CLEC17A: variants seen among roughly 807,000 people sequenced by gnomAD.
CLEC17A encodes the protein C-type lectin domain family 17, member A.
A neutral mutation model predicts 61.3 loss-of-function variants in CLEC17A; 37 were observed. The ratio of observed to expected loss-of-function variants is 0.60; its 90% CI spans 0.46 to 0.79. The LOEUF (loss-of-function observed/expected upper bound fraction) is 0.79, where lower values mean the gene tolerates loss of function less well. Ranked by LOEUF, CLEC17A falls within the 30% of genes least tolerant of loss-of-function variation. The probability of loss-of-function intolerance (pLI) is 0.00; values close to 1 mark genes in which losing one functional copy is unlikely to be tolerated. For missense variants in CLEC17A, 418 were observed against 464.7 expected (o/e 0.90, Z 0.92); for synonymous variants, 168 against 164.9 (o/e 1.02, Z -0.14).
chr19:14,587,375 G>C (rs545772904), intron 2 of CLEC17A, among the ~76,000 whole-genome samples: 1 of 152,236 alleles, frequency 6.6e-6, no homozygotes, highest in Non-Finnish European at 1.5e-5. Context: ...GGAGAGACAA[G>C]ACCTGGCTAC....
chr19:14,607,072 G>A lies in CLEC17A; in HGVS notation c.974G>A (p.Arg325Lys). The change falls in exon 13 of 14, where the codon AGG (arginine) becomes AAG (lysine). Residue 325 changes from arginine (R) to lysine (K), a missense_variant. By Grantham distance (26) the Arg-to-Lys change is conservative. Coordinates refer to ENST00000417570, the MANE Select transcript of CLEC17A (RefSeq NM_001204118.2). ...LNDRAQEGDWRWLDGSPVTLS... is the reference protein window; with the variant it reads ...LNDRAQEGDWKWLDGSPVTLS... The stretch of plus-strand genomic sequence containing the variant: ...GACAGGGCCCAGGAAGGGGACTGGA[G>A]GTGGCTGGATGGGTCTCCTGTGACA... 1 of 1,339,386 alleles carries A rather than the reference G, an allele frequency of 7.5e-7. No individual in the cohort carries two copies. Among genetic ancestry groups the A allele is most frequent in the Non-Finnish European group, 9.6e-7 (1 of 1,037,890 alleles). The allele number at this position is 1,339,386 out of a possible 1,614,324, so 83.0% of individuals were successfully genotyped here.
At chr19:14,600,207 G>C in intron 12 of CLEC17A, 25 bp downstream of exon 12, 1 of 1,612,252 alleles carries the variant, frequency 6.2e-7, no homozygotes, top group Admixed American at 1.7e-5. Context: ...CTGAACCTTT[G>C]AGAACCTTCA....
chr19:14,601,730 C>T (rs1166717546), intron 12 of CLEC17A, among the ~76,000 whole-genome samples: 4 of 152,118 alleles, frequency 2.6e-5, no homozygotes, highest in Non-Finnish European at 5.9e-5. Context: ...GCAATTCTTT[C>T]GCCTCACCCT....
At chr19:14,608,438 C>CT (rs1164037913) in intron 13 of CLEC17A, among the ~76,000 whole-genome samples, 1 of 152,080 alleles carries the variant, frequency 6.6e-6, no homozygotes, top group Non-Finnish European at 1.5e-5. Flanking sequence ...GATAGGGTGT[C>CT]TAGCATCCCA....
chr19:14,586,525 C>G (rs7254598), intron 2 of CLEC17A, among the ~76,000 whole-genome samples: 36,216 of 151,956 alleles, frequency 0.24, 7,990 homozygotes, highest in African/African-American at 0.59. Flanking sequence ...TGAGCTCAAG[C>G]AATCCTCCCA....
upstream of CLEC17A, among the ~76,000 whole-genome samples, chr19:14,581,551 C>T (rs1482664324): frequency 1.3e-5 from 2 of 151,052 alleles, no homozygotes; most frequent in African/African-American, 2.4e-5. Context: ...AGGCTGGTCT[C>T]GAATGCCTGA....
chr19:14,595,171 C>A, intron 7 of CLEC17A, 103 bp from the exon 8 acceptor site: 1 of 1,348,854 alleles, frequency 7.4e-7, no homozygotes, highest in Non-Finnish European at 1.0e-6. Context: ...TGCCCACAGC[C>A]AGCCCCCTAA....
chr19:14,583,242 G>A (rs766244654), intron 1 of CLEC17A, 39 bp downstream of exon 1: 1 of 1,613,580 alleles, frequency 6.2e-7, no homozygotes, highest in Admixed American at 1.7e-5. Flanking sequence ...GCCTAGGTGT[G>A]GTCAGGACCC....
intron 8 of CLEC17A, among the ~76,000 whole-genome samples, 152 bp downstream of exon 8, chr19:14,595,467 G>A (rs901885051): frequency 1.3e-5 from 2 of 152,228 alleles, no homozygotes; most frequent in Non-Finnish European, 2.9e-5. Context: ...TCTAGTGAGC[G>A]CTGCTCTAAG....
In CLEC17A at chr19:14,609,053, G is replaced by A. The variant is rs1044195112; in HGVS notation, c.1005-1011G>A. Among the ~76,000 whole-genome samples the A allele has an allele frequency of 3.2e-4, 48 of 152,092 alleles. 1 individual carries two copies. On this transcript the variant is annotated intron_variant, in intron 13 of 13. Coordinates refer to ENST00000417570, the MANE Select transcript of CLEC17A (RefSeq NM_001204118.2). ...GACCTCAGGTGATCTACCCGTCTTG[G>A]CCTCCCAAAGTGCTGGGATTACAGG...
intron 4 of CLEC17A, among the ~76,000 whole-genome samples, chr19:14,593,219 G>A (rs1008742297): frequency 2.0e-5 from 3 of 151,204 alleles, no homozygotes; most frequent in East Asian, 1.9e-4. Flanking sequence ...GTGTGTGTCT[G>A]TAGTCCCACT....
At chr19:14,592,688 T>C (rs1385232298) in intron 4 of CLEC17A, among the ~76,000 whole-genome samples, 2 of 151,968 alleles carry the variant, frequency 1.3e-5, no homozygotes, top group Non-Finnish European at 2.9e-5. Context: ...TTTTTTGAGA[T>C]GGAATTTCAC....
intron 12 of CLEC17A, among the ~76,000 whole-genome samples, chr19:14,604,773 T>A (rs865957351): frequency 2.1e-4 from 32 of 150,040 alleles, no homozygotes; most frequent in African/African-American, 4.2e-4. Flanking sequence ...AAAAAAAAAA[T>A]TTTTTTTTTA....
intron 3 of CLEC17A, among the ~76,000 whole-genome samples, chr19:14,590,868 T>C (rs2146682083): frequency 6.6e-6 from 1 of 151,642 alleles, no homozygotes; most frequent in South Asian, 2.1e-4. Context: ...TCTAATTTTT[T>C]TTTTTTTTTT....
Position 14,606,874 on chromosome 19 carries a change from G to A in CLEC17A, c.895-119G>A, listed in dbSNP as rs772636028. On this transcript the variant is annotated intron_variant, in intron 12 of 13. Transcript: ENST00000417570. The stretch of plus-strand genomic sequence containing the variant: ...CTGTTCTGCATACCATGGGGACGGG[G>A]ACGGGTTGTGGGAGGTGACGTTCCC... 1.1e-4 allele frequency: 42 copies of A among 370,338 alleles called. No homozygotes were observed. In the Middle Eastern group the frequency reaches 3.0e-3, roughly 26 times the overall value. The allele number at this position is 370,338 out of a possible 1,614,324, so 22.9% of individuals were successfully genotyped here.
In CLEC17A at chr19:14,607,089, CCT is replaced by C; in HGVS notation, c.992_993del (p.Pro331ArgfsTer13). 7.6e-7 allele frequency: 1 copy of C among 1,308,782 alleles called. No individual in the cohort carries two copies. Among genetic ancestry groups the C allele is most frequent in the Non-Finnish European group, 9.8e-7 (1 of 1,022,884 alleles). 81.1% of individuals were successfully genotyped at this position (1,308,782 alleles called of 1,614,324 possible). ...EGDWRWLDGSPVTLSFWEPEE... is the reference protein window; with the variant it reads ...EGDWRWLDGSXVTLSFWEPEE... ...GGACTGGAGGTGGCTGGATGGGTCTCCTGTGACATTAAGGCAAGTGCTTGGGT... is the reference window on the plus strand; with the variant it reads ...GGACTGGAGGTGGCTGGATGGGTCTCGTGACATTAAGGCAAGTGCTTGGGT... On this transcript the variant is annotated frameshift_variant, in exon 13 of 14. Coordinates refer to ENST00000417570, the MANE Select transcript of CLEC17A (RefSeq NM_001204118.2). LOFTEE classifies it high-confidence loss of function.
At position 14,611,094 on chromosome 19, in the gene CLEC17A, A is replaced by AT. The variant is rs2146773510; in HGVS notation, c.*900dup. Reference sequence around the variant, plus strand: ...CTAGATCTGCCTCGCACAGAAATACATTAAGTGGGCTGGTCTCATGTAGTC... The same window carrying AT: ...CTAGATCTGCCTCGCACAGAAATACATTTAAGTGGGCTGGTCTCATGTAGTC... On this transcript the variant is annotated 3_prime_UTR_variant, in exon 14 of 14. Transcript: ENST00000417570. 6.6e-6 allele frequency: 1 copy of AT among 151,668 alleles called. No individual in the cohort carries two copies. The highest frequency in any genetic ancestry group is 2.4e-5 in the African/African-American group (1 of 41,276). 9.4% of individuals were successfully genotyped at this position (151,668 alleles called of 1,614,324 possible).
intron 12 of CLEC17A, among the ~76,000 whole-genome samples, chr19:14,602,692 G>GT (rs1399273735): frequency 1.3e-5 from 2 of 150,932 alleles, no homozygotes; most frequent in African/African-American, 4.9e-5. Flanking sequence ...TGTCCCTTCT[G>GT]TTTTTTATCC....
chr19:14,587,500 G>A lies in CLEC17A; in HGVS notation c.122-114G>A, dbSNP rs893457886. ...AGGCTGGGGCTGGGGCCCAGGTGTG[G>A]TCAAGATCCAGGGTACAGAATCCCC... On this transcript the variant is annotated intron_variant, in intron 2 of 13. Coordinates refer to ENST00000417570, the MANE Select transcript of CLEC17A (RefSeq NM_001204118.2). 2.0e-5 allele frequency: 27 copies of A among 1,337,640 alleles called. No individual in the cohort carries two copies. The African/African-American group carries it at 3.8e-4, about 19-fold the overall frequency. 82.9% of individuals were successfully genotyped at this position (1,337,640 alleles called of 1,614,324 possible).
Sources: allele counts gnomAD v4.1 joint callset (sites outside exome capture counted in the v4.1 genomes callset), GRCh38; gene constraint gnomAD v4.1.1; transcripts MANE v1.5; gene names NCBI Gene and HGNC (gene_info 2026-07-23, HGNC 2026-07-21).